ACSM4: variants seen among roughly 807,000 people sequenced by gnomAD.
ACSM4 encodes acyl-coenzyme A synthetase ACSM4, mitochondrial.
Under a neutral mutation model 73.0 loss-of-function variants are expected in ACSM4, and 66 were observed. The ratio of observed to expected loss-of-function variants is 0.90; its 90% confidence interval spans 0.74 to 1.11. The LOEUF is 1.11. ACSM4 is among the 50% of genes least tolerant of loss of function. The pLI is 0.00. For synonymous variants in ACSM4, 222 were observed against 254.0 expected (o/e 0.87, Z 1.20); for missense variants, 645 against 714.4 (o/e 0.90, Z 1.11).
At position 7,323,298 on chromosome 12, in the gene ACSM4, T is replaced by C. The variant is rs1214935358; in HGVS notation, c.1190T>C (p.Leu397Pro). Residue 397 changes from leucine to proline, a missense_variant, in exon 8 of 13, where the codon CTG becomes CCG. Leu to Pro is a moderately conservative substitution (Grantham distance 98). Coordinates refer to ENST00000399422, the MANE Select transcript of ACSM4 (RefSeq NM_001080454.2). Reference sequence around the variant, plus strand: ...CCAGGTTCAATGGGGAAAGGAATGCTGCCCTATGATGTCCAGGTAGGTTGA... The same window carrying C: ...CCAGGTTCAATGGGGAAAGGAATGCCGCCCTATGATGTCCAGGTAGGTTGA... ...IKPGSMGKGM[L>P]PYDVQIIDEN... 6.2e-7 allele frequency: 1 copy of C among 1,611,028 alleles called. No individual in the cohort carries two copies.
chr12:7,309,705 T>A (rs1012630572), intron 2 of ACSM4, among the ~76,000 whole-genome samples: 5 of 152,086 alleles, frequency 3.3e-5, no homozygotes, highest in African/African-American at 1.2e-4. Context: ...GCCCAACCAA[T>A]AATTTTTCGA....
At chr12:7,325,151 C>T (rs1330235513) in intron 11 of ACSM4, among the ~76,000 whole-genome samples, 1 of 152,200 alleles carries the variant, frequency 6.6e-6, no homozygotes, top group Non-Finnish European at 1.5e-5. Context: ...ACATGCTGAT[C>T]GGTCAGACTT....
chr12:7,320,895 C>T lies in ACSM4; in HGVS notation c.1001+91C>T. On this transcript the variant is annotated intron_variant, in intron 6 of 12. Coordinates refer to ENST00000399422, the MANE Select transcript of ACSM4 (RefSeq NM_001080454.2). ...CTTTTTCAGCATAGGATAGCTCAGG[C>T]TTTCTCAGTCTTACCACCACTGACA... is the stretch of plus-strand genomic sequence containing the variant. 2.7e-6 allele frequency: 3 copies of T among 1,104,558 alleles called. No homozygotes were observed. In the South Asian group the frequency reaches 4.0e-5, roughly 15 times the overall value. The allele number at this position is 1,104,558 out of a possible 1,614,324, so 68.4% of individuals were successfully genotyped here.
At chr12:7,309,194 A>C (rs1298488807) in intron 2 of ACSM4, among the ~76,000 whole-genome samples, 1 of 152,196 alleles carries the variant, frequency 6.6e-6, no homozygotes, top group Non-Finnish European at 1.5e-5. Flanking sequence ...TTAGGATGAA[A>C]TGAGGAGGTG....
chr12:7,319,407 T>C (rs994340353), intron 5 of ACSM4, among the ~76,000 whole-genome samples: 2 of 151,898 alleles, frequency 1.3e-5, no homozygotes, highest in African/African-American at 2.4e-5. Flanking sequence ...CTGGCCAAGA[T>C]GGTGAAACCT....
At chr12:7,325,016 C>T (rs959459358) in intron 11 of ACSM4, among the ~76,000 whole-genome samples, 2 of 152,148 alleles carry the variant, frequency 1.3e-5, no homozygotes, top group South Asian at 2.1e-4. Context: ...GGTGTATACA[C>T]CTTAGCAACC....
chr12:7,323,444 T>C lies in ACSM4; in HGVS notation c.1207-15T>C, dbSNP rs761962430. On this transcript the variant is annotated splice_polypyrimidine_tract_variant and intron_variant, in intron 8 of 12. Coordinates refer to ENST00000399422, the MANE Select transcript of ACSM4 (RefSeq NM_001080454.2). ...AAGAAAATTTTAAGACCATCAATTA[T>C]TTCTTTCATTCCAGATTATAGATGA... is the stretch of plus-strand genomic sequence containing the variant. 1 of 1,612,776 alleles carries C rather than the reference T, an allele frequency of 6.2e-7. No individual in the cohort carries two copies. Among genetic ancestry groups the C allele is most frequent in the South Asian group, 1.1e-5 (1 of 90,986 alleles).
chr12:7,324,702 G>A (rs10743732), intron 11 of ACSM4, 104 bp downstream of exon 11: 951,855 of 1,255,760 alleles, frequency 0.76, 365,465 homozygotes, highest in Non-Finnish European at 0.8. Context: ...ATTAATTCTC[G>A]TTATGAAGCA....
chr12:7,312,187 CTTTG>C (rs934224919), intron 3 of ACSM4, among the ~76,000 whole-genome samples: 56 of 152,316 alleles, frequency 3.7e-4, no homozygotes, highest in Non-Finnish European at 7.1e-4. Context: ...AAAGCAGAGA[CTTTG>C]TTTGGTTGAT....
At chr12:7,325,175 A>G (rs1407885125) in intron 11 of ACSM4, among the ~76,000 whole-genome samples, 2 of 152,254 alleles carry the variant, frequency 1.3e-5, no homozygotes, top group Non-Finnish European at 1.5e-5. Context: ...TCATACGTCT[A>G]TCCTTGGAAG....
chr12:7,322,491 A>G lies in ACSM4; in HGVS notation c.1075A>G (p.Arg359Gly). ...CAACCCAGAAGTGCTGGAGCAGTGG[A>G]GGGTGCAAACTGGGCTGGAGCTATA... ...PLNPEVLEQW[R>G]VQTGLELYEG... Residue 359 changes from arginine (R) to glycine (G), a missense_variant, in exon 7 of 13, where the codon AGG (arginine) becomes GGG (glycine). Physicochemically the swap from Arg to Gly is moderately radical, Grantham distance 125. Coordinates refer to ENST00000399422, the MANE Select transcript of ACSM4 (RefSeq NM_001080454.2). 6.2e-7 allele frequency: 1 copy of G among 1,613,906 alleles called. No individual in the cohort carries two copies. The highest frequency in any genetic ancestry group is 8.5e-7 in the Non-Finnish European group (1 of 1,179,832).
chr12:7,306,843 AAG>A (rs1946365165), intron 2 of ACSM4, 100 bp downstream of exon 2: 12 of 903,404 alleles, frequency 1.3e-5, no homozygotes, highest in African/African-American at 4.6e-5. Flanking sequence ...ATGCATACAG[AAG>A]ACAAAAAAAA....
chr12:7,306,699 G>A lies in ACSM4; in HGVS notation c.368G>A (p.Arg123Lys). 1 of 1,611,868 alleles carries A rather than the reference G, an allele frequency of 6.2e-7. No homozygotes were observed. Among genetic ancestry groups the A allele is most frequent in the Non-Finnish European group, 8.5e-7 (1 of 1,179,168 alleles). ...RGDRLAVILPRIPEWWLVNVA... is the reference protein window; with the variant it reads ...RGDRLAVILPKIPEWWLVNVA... ...GACCGTTTGGCCGTGATTCTGCCCA[G>A]AATCCCTGAGTGGTGGCTGGTCAAT... is the stretch of plus-strand genomic sequence containing the variant. Residue 123 changes from arginine to lysine, a missense_variant, in exon 2 of 13, where the codon AGA becomes AAA. Transcript: ENST00000399422.
chr12:7,320,114 T>C (rs758297156), intron 5 of ACSM4, among the ~76,000 whole-genome samples: 2 of 152,190 alleles, frequency 1.3e-5, no homozygotes, highest in African/African-American at 4.8e-5. Context: ...TTAAGGGACA[T>C]AGTGGAACTT....
Position 7,306,707 on chromosome 12 carries a change from G to A in ACSM4, c.376G>A (p.Glu126Lys), listed in dbSNP as rs1036404194. 6.2e-7 allele frequency: 1 copy of A among 1,611,566 alleles called. No individual in the cohort carries two copies. The highest frequency in any genetic ancestry group is 8.5e-7 in the Non-Finnish European group (1 of 1,179,054). Residue 126 changes from glutamate (E) to lysine (K), a missense_variant, in exon 2 of 13, where the codon GAG becomes AAG. Coordinates refer to ENST00000399422, the MANE Select transcript of ACSM4 (RefSeq NM_001080454.2). ...RLAVILPRIP[E>K]WWLVNVACIR... ...GGCCGTGATTCTGCCCAGAATCCCT[G>A]AGTGGTGGCTGGTCAATGTAGCTTG...
At chr12:7,328,208 C>T in intron 12 of ACSM4, 79 bp from the exon 13 acceptor site, 1 of 1,095,578 alleles carries the variant, frequency 9.1e-7, no homozygotes, top group Non-Finnish European at 1.3e-6. Flanking sequence ...GTCTGAGTTC[C>T]ATGCAAGCTC....
At position 7,327,087 on chromosome 12, in the gene ACSM4, C is replaced by T. The variant is rs758692464; in HGVS notation, c.1648C>T (p.Pro550Ser). The T allele has an allele frequency of 6.2e-7, 1 of 1,603,470 alleles. No individual in the cohort carries two copies. The highest frequency in any genetic ancestry group is 1.7e-5 in the Admixed American group (1 of 58,378). The part of the protein sequence containing the change: ...VKKSTAPYKY[P>S]RKVEFVQELP... ...AAAATCAACTGCACCTTACAAATAT[C>T]CAAGAAAGGCAAGTGCTTTGCCCAA... Residue 550 changes from proline (P) to serine (S), a missense_variant, in exon 12 of 13, where the codon CCA (proline) becomes TCA (serine). Pro to Ser is a moderately conservative substitution (Grantham distance 74). Transcript: ENST00000399422.
intron 4 of ACSM4, 142 bp downstream of exon 4, chr12:7,317,422 C>T (rs1038664346): frequency 1.0e-5 from 12 of 1,195,644 alleles, no homozygotes; most frequent in African/African-American, 3.2e-5. Context: ...TTGCTGGCCC[C>T]GCCCAACCTA....
At chr12:7,323,795 G>T (rs951911940) in intron 9 of ACSM4, among the ~76,000 whole-genome samples, 1 of 152,196 alleles carries the variant, frequency 6.6e-6, no homozygotes, top group Non-Finnish European at 1.5e-5. Flanking sequence ...TGAGGGTGCA[G>T]TTGGGGGGTG....
Sources: gnomAD v4.1 joint callset for allele counts (sites outside exome capture counted in the v4.1 genomes callset) on GRCh38, gnomAD v4.1.1 for gene constraint, MANE v1.5 for transcripts, NCBI Gene and HGNC (gene_info 2026-07-23, HGNC 2026-07-21) for gene names.